MTMR7: variants seen among roughly 807,000 people sequenced by gnomAD.
The protein encoded by MTMR7 is phosphatidylinositol-3-phosphate phosphatase MTMR7.
A neutral mutation model predicts 81.2 loss-of-function variants in MTMR7; 76 were observed. The observed-to-expected ratio is 0.94, with a 90% CI of 0.78 to 1.13. The LOEUF (loss-of-function observed/expected upper bound fraction) is 1.13, where lower values mean the gene tolerates loss of function less well. MTMR7 is among the 50% of genes most tolerant of loss of function. The pLI, the probability that MTMR7 is intolerant of heterozygous loss-of-function variation, is 0.00. For missense variants in MTMR7, 1,044 were observed against 820.0 expected (o/e 1.27, Z -3.34); for synonymous variants, 372 against 289.8 (o/e 1.28, Z -2.88).
intron 1 of MTMR7, among the ~76,000 whole-genome samples, chr8:17,395,547 G>C (rs538722155): frequency 1.3e-5 from 2 of 152,284 alleles, no homozygotes; most frequent in African/African-American, 4.8e-5. Flanking sequence ...CAATGCACAA[G>C]GGTTCCAATT....
At chr8:17,357,551 C>CTT (rs34280254) in intron 4 of MTMR7, among the ~76,000 whole-genome samples, 7 of 151,894 alleles carry the variant, frequency 4.6e-5, no homozygotes, top group African/African-American at 1.2e-4. Flanking sequence ...CATAAAACAC[C>CTT]TTTTTTTCCC....
At chr8:17,312,153 A>G (rs1563322771) in intron 8 of MTMR7, among the ~76,000 whole-genome samples, 3 of 152,256 alleles carry the variant, frequency 2.0e-5, no homozygotes, top group South Asian at 4.1e-4. Context: ...AAGAATATCT[A>G]TTTGCTATTG....
At chr8:17,386,702 C>T (rs1255375371) in intron 1 of MTMR7, among the ~76,000 whole-genome samples, 1 of 152,172 alleles carries the variant, frequency 6.6e-6, no homozygotes, top group African/African-American at 2.4e-5. Flanking sequence ...TGAAGAAAAG[C>T]GCCAGCTGCC....
chr8:17,339,047 T>A (rs1368435131), intron 6 of MTMR7: 1 of 152,174 alleles, frequency 6.6e-6, no homozygotes, highest in Non-Finnish European at 1.5e-5. Flanking sequence ...CTTGGTGACA[T>A]GAAGTTCAGA....
intron 7 of MTMR7, among the ~76,000 whole-genome samples, chr8:17,315,276 A>T (rs1345214107): frequency 3.3e-5 from 5 of 152,120 alleles, no homozygotes; most frequent in African/African-American, 1.2e-4. Context: ...CAACTATATG[A>T]CCTCCTAGAA....
At chr8:17,354,774 G>C (rs191747857) in intron 4 of MTMR7, among the ~76,000 whole-genome samples, 2 of 152,136 alleles carry the variant, frequency 1.3e-5, no homozygotes, top group African/African-American at 4.8e-5. Context: ...AATGGATTTG[G>C]ATATCTCTCT....
chr8:17,338,150 T>C (rs1024424136), intron 6 of MTMR7, among the ~76,000 whole-genome samples: 4 of 152,180 alleles, frequency 2.6e-5, no homozygotes, highest in African/African-American at 9.7e-5. Flanking sequence ...GAAGTGTGCG[T>C]GCATGGATAA....
chr8:17,362,786 C>T (rs1236446262), intron 3 of MTMR7, among the ~76,000 whole-genome samples: 1 of 152,192 alleles, frequency 6.6e-6, no homozygotes, highest in Non-Finnish European at 1.5e-5. Context: ...TTCCTAAATA[C>T]ATGTATGTGT....
At chr8:17,367,262 A>G (rs942981667) in intron 3 of MTMR7, among the ~76,000 whole-genome samples, 1 of 152,298 alleles carries the variant, frequency 6.6e-6, no homozygotes, top group African/African-American at 2.4e-5. Flanking sequence ...GAAAAGGGGG[A>G]AAACAAACAA....
chr8:17,341,178 AG>A (rs1315888437), intron 6 of MTMR7, among the ~76,000 whole-genome samples, 184 bp downstream of exon 6: 1 of 152,218 alleles, frequency 6.6e-6, no homozygotes, highest in East Asian at 1.9e-4. Context: ...GTATAGTTGG[AG>A]GCTTCAGGTG....
chr8:17,359,087 G>C (rs1489897771), intron 4 of MTMR7, among the ~76,000 whole-genome samples: 3 of 151,966 alleles, frequency 2.0e-5, no homozygotes, highest in African/African-American at 7.2e-5. Flanking sequence ...TGTGGGAATG[G>C]GGTTCTCCCT....
chr8:17,329,866 T>G (rs1410713396), intron 7 of MTMR7, among the ~76,000 whole-genome samples: 1 of 152,146 alleles, frequency 6.6e-6, no homozygotes. Flanking sequence ...TGTCAGGTAT[T>G]GTCACTGTGA....
chr8:17,309,140 T>C (rs1169955788), intron 10 of MTMR7, 137 bp downstream of exon 10: 2 of 632,480 alleles, frequency 3.2e-6, no homozygotes, highest in Non-Finnish European at 5.6e-6. Flanking sequence ...ATATGACATA[T>C]ACAACAAAAT....
intron 6 of MTMR7, among the ~76,000 whole-genome samples, chr8:17,333,213 G>C (rs193281707): frequency 6.6e-6 from 1 of 152,098 alleles, no homozygotes; most frequent in Non-Finnish European, 1.5e-5. Flanking sequence ...GGCATGCTAC[G>C]AGAATAAAGA....
At chr8:17,388,207 A>G (rs1821006405) in intron 1 of MTMR7, among the ~76,000 whole-genome samples, 1 of 152,232 alleles carries the variant, frequency 6.6e-6, no homozygotes, top group African/African-American at 2.4e-5. Flanking sequence ...TGTAGGCTTA[A>G]AAGAACATGC....
At chr8:17,412,907 C>G (rs574793718) in intron 1 of MTMR7, among the ~76,000 whole-genome samples, 230 of 152,288 alleles carry the variant, frequency 1.5e-3, no homozygotes, top group African/African-American at 5.3e-3. Context: ...TCCCTTTCAA[C>G]TACTCTGAGC....
At chr8:17,356,302 C>T (rs1347186053) in intron 4 of MTMR7, among the ~76,000 whole-genome samples, 1 of 152,018 alleles carries the variant, frequency 6.6e-6, no homozygotes, top group Non-Finnish European at 1.5e-5. Context: ...TTAGCTGGCC[C>T]CCATTCCAAG....
At chr8:17,341,750 A>G (rs760090014) in intron 5 of MTMR7, among the ~76,000 whole-genome samples, 1 of 152,212 alleles carries the variant, frequency 6.6e-6, no homozygotes, top group Non-Finnish European at 1.5e-5. Context: ...GATAGGGTCT[A>G]AGTTATGATA....
intron 11 of MTMR7, 63 bp from the exon 12 acceptor site, chr8:17,304,582 T>C (rs1817329458): frequency 6.6e-7 from 1 of 1,525,368 alleles, no homozygotes; most frequent in Non-Finnish European, 9.0e-7. Flanking sequence ...GTAGATATGT[T>C]ATATTAATGC....
Sources: gnomAD v4.1 joint callset for allele counts (sites outside exome capture counted in the v4.1 genomes callset) on GRCh38, gnomAD v4.1.1 for gene constraint, MANE v1.5 for transcripts, NCBI Gene and HGNC (gene_info 2026-07-23, HGNC 2026-07-21) for gene names.